Variants in CDK6 observed in about 807,000 individuals in gnomAD.
CDK6 encodes the protein cyclin dependent kinase 6.
In CDK6, 6 loss-of-function variants were observed where a neutral mutation model predicts 37.1. The ratio of observed to expected loss-of-function variants is 0.16; its 90% CI spans 0.09 to 0.32. The LOEUF is 0.32. Ranked by LOEUF, CDK6 falls within the 10% of genes least tolerant of loss-of-function variation. The pLI is 1.00. For synonymous variants in CDK6, 160 were observed against 161.3 expected (o/e 0.99, Z 0.06); for missense variants, 224 against 418.9 (o/e 0.53, Z 4.06).
intron 2 of CDK6, among the ~76,000 whole-genome samples, chr7:92,830,071 C>T (rs1296714404): frequency 6.6e-6 from 1 of 152,160 alleles, no homozygotes; most frequent in Admixed American, 6.5e-5. Flanking sequence ...AAACAGGATC[C>T]ATTTGTGCAG....
rs935591158 is a variant in CDK6, at chr7:92,614,631, T to A, written c.*509A>T. 1 of 234,256 alleles carries A rather than the reference T, an allele frequency of 4.3e-6. No homozygotes were observed. The highest frequency in any genetic ancestry group is 2.2e-5 in the African/African-American group (1 of 45,320). The allele number at this position is 234,256 out of a possible 1,614,324, so 14.5% of individuals were successfully genotyped here. A position where few individuals can be genotyped will look rare whatever the true frequency, so the allele number is the denominator to read the frequency against. On this transcript the variant is annotated 3_prime_UTR_variant, in exon 8 of 8. Coordinates refer to ENST00000424848, the MANE Select transcript of CDK6 (RefSeq NM_001145306.2). ...TTATTTACTGACCACCTTGAGTCTT[T>A]AAAATTGAATTATTCTTGTCGTTTA... is the stretch of plus-strand genomic sequence containing the variant.
At chr7:92,624,175 T>A (rs1401324075) in intron 5 of CDK6, among the ~76,000 whole-genome samples, 1 of 152,084 alleles carries the variant, frequency 6.6e-6, no homozygotes, top group African/African-American at 2.4e-5. Flanking sequence ...TTCCTGAAAA[T>A]AATGATTTCC....
chr7:92,671,676 T>C (rs1228234184), intron 4 of CDK6, 141 bp from the exon 5 acceptor site: 1 of 423,630 alleles, frequency 2.4e-6, no homozygotes, highest in East Asian at 3.5e-5. Flanking sequence ...CTAGAAGCAA[T>C]AGGTAAATAG....
At chr7:92,670,439 G>C (rs1405836956) in intron 5 of CDK6, among the ~76,000 whole-genome samples, 2 of 152,192 alleles carry the variant, frequency 1.3e-5, no homozygotes, top group South Asian at 2.1e-4. Context: ...AGCTACCATG[G>C]AGCTACATTT....
chr7:92,651,184 G>C (rs1029404192), intron 5 of CDK6, among the ~76,000 whole-genome samples: 1 of 152,088 alleles, frequency 6.6e-6, no homozygotes, highest in Non-Finnish European at 1.5e-5. Flanking sequence ...GCCACGGTGC[G>C]AGGCTAGTTC....
chr7:92,722,594 A>G (rs1030248537), intron 4 of CDK6, among the ~76,000 whole-genome samples: 1 of 152,236 alleles, frequency 6.6e-6, no homozygotes, highest in African/African-American at 2.4e-5. Flanking sequence ...CAGCCATTTT[A>G]AGGTATATGG....
At chr7:92,771,865 G>C (rs1485737933) in intron 3 of CDK6, among the ~76,000 whole-genome samples, 1 of 152,144 alleles carries the variant, frequency 6.6e-6, no homozygotes, top group Non-Finnish European at 1.5e-5. Flanking sequence ...TCCCATAAAT[G>C]AGCCTATATA....
chr7:92,677,304 C>T (rs937547092), intron 4 of CDK6, among the ~76,000 whole-genome samples: 3 of 152,102 alleles, frequency 2.0e-5, no homozygotes, highest in Admixed American at 6.6e-5. Flanking sequence ...CATCAATGAC[C>T]TGGGCCTACA....
intron 3 of CDK6, among the ~76,000 whole-genome samples, chr7:92,727,594 G>A (rs1211256529): frequency 5.9e-5 from 9 of 152,146 alleles, no homozygotes; most frequent in Admixed American, 5.9e-4. Context: ...GATTTCTGGG[G>A]GAGACTGATT....
intron 4 of CDK6, chr7:92,725,065 G>A (rs1413016087): frequency 5.1e-5 from 50 of 985,288 alleles, no homozygotes; most frequent in South Asian, 9.4e-5. Flanking sequence ...AAACAGGGCC[G>A]TTGGGTTCGC....
chr7:92,698,653 G>T (rs1797773807), intron 4 of CDK6, among the ~76,000 whole-genome samples: 1 of 152,182 alleles, frequency 6.6e-6, no homozygotes, highest in African/African-American at 2.4e-5. Flanking sequence ...TTTGCCTGTA[G>T]GCCACCCTGT....
At chr7:92,755,924 CATACAAGTGCACATACAA>C (rs1344617310) in intron 3 of CDK6, among the ~76,000 whole-genome samples, 1 of 152,116 alleles carries the variant, frequency 6.6e-6, no homozygotes, top group African/African-American at 2.4e-5. Flanking sequence ...CTTTCTTGCA[CATACAAGTGCACATACAA>C]ACACACACAC....
chr7:92,738,636 C>T (rs1156585636), intron 3 of CDK6, among the ~76,000 whole-genome samples: 1 of 142,080 alleles, frequency 7.0e-6, no homozygotes. Flanking sequence ...AAAACTCCAT[C>T]TCCGAAAAAA....
At chr7:92,791,050 G>A (rs1195592644) in intron 2 of CDK6, among the ~76,000 whole-genome samples, 1 of 152,190 alleles carries the variant, frequency 6.6e-6, no homozygotes. Context: ...TGTTGCTGCA[G>A]TAGTACAGGG....
chr7:92,718,384 G>C (rs1199004857), intron 4 of CDK6, among the ~76,000 whole-genome samples: 3 of 152,134 alleles, frequency 2.0e-5, no homozygotes, highest in African/African-American at 7.2e-5. Flanking sequence ...GGCAGCTTTT[G>C]GAGGCTTCTG....
At chr7:92,830,337 T>C (rs1469083010) in intron 2 of CDK6, among the ~76,000 whole-genome samples, 6 of 152,220 alleles carry the variant, frequency 3.9e-5, no homozygotes, top group Non-Finnish European at 7.3e-5. Context: ...TCTTAAACTT[T>C]TGAAAAAACT....
intron 3 of CDK6, among the ~76,000 whole-genome samples, chr7:92,749,652 C>T (rs913805412): frequency 9.9e-5 from 15 of 152,162 alleles, no homozygotes; most frequent in African/African-American, 3.6e-4. Context: ...TAGGGAACTT[C>T]TGACTGCTCT....
intron 3 of CDK6, among the ~76,000 whole-genome samples, chr7:92,735,677 T>C (rs1798767865): frequency 6.6e-6 from 1 of 152,240 alleles, no homozygotes; most frequent in Non-Finnish European, 1.5e-5. Context: ...AGGCACGTTA[T>C]ACATAGAAAT....
At chr7:92,769,215 C>A (rs1799652822) in intron 3 of CDK6, among the ~76,000 whole-genome samples, 1 of 152,052 alleles carries the variant, frequency 6.6e-6, no homozygotes, top group South Asian at 2.1e-4. Flanking sequence ...CAATAGAAAA[C>A]TCTAAGAAAC....
Sources: allele counts gnomAD v4.1 joint callset (sites outside exome capture counted in the v4.1 genomes callset), GRCh38; gene constraint gnomAD v4.1.1; transcripts MANE v1.5; gene names NCBI Gene and HGNC (gene_info 2026-07-23, HGNC 2026-07-21).